Variants in TMEM177 observed in about 807,000 individuals in gnomAD.
TMEM177 encodes the protein transmembrane protein 177.
Under a neutral mutation model 14.2 loss-of-function variants are expected in TMEM177, and 4 were observed. The observed-to-expected ratio is 0.28, with a 90% CI of 0.14 to 0.64. The LOEUF (loss-of-function observed/expected upper bound fraction) is 0.64. Among genes scored for constraint, TMEM177 ranks in the 30% least tolerant of loss-of-function variants. The pLI is 0.82. For synonymous variants in TMEM177, 179 were observed against 174.5 expected, an observed-to-expected ratio of 1.03 and a Z score of -0.20; for missense variants, 344 against 405.2, an observed-to-expected ratio of 0.85 and a Z score of 1.30.
At chr2:119,684,323 C>T (rs1042024306), downstream of TMEM177, among the ~76,000 whole-genome samples, 10 of 152,158 alleles carry the variant, frequency 6.6e-5, no homozygotes, top group African/African-American at 2.4e-4. Context: ...ACTGTTCACT[C>T]ACACGTTGCT....
At chr2:119,689,890 A>G (rs190257127), downstream of TMEM177, among the ~76,000 whole-genome samples, 214 of 152,322 alleles carry the variant, frequency 1.4e-3, no homozygotes, top group African/African-American at 5.1e-3. Context: ...GGTTGGAGTG[A>G]TGAGGACTGG....
the TMEM177 span, among the ~76,000 whole-genome samples, chr2:119,719,811 A>G: frequency 6.6e-6 from 1 of 152,154 alleles, no homozygotes; most frequent in Non-Finnish European, 1.5e-5. Flanking sequence ...TATATATATT[A>G]GAGACAGTAT....
the TMEM177 span, among the ~76,000 whole-genome samples, chr2:119,711,200 G>A: frequency 6.6e-6 from 1 of 152,010 alleles, no homozygotes; most frequent in Non-Finnish European, 1.5e-5. Flanking sequence ...AAAAGAAAGT[G>A]GACTGGACCA....
chr2:119,716,482 C>T, the TMEM177 span, among the ~76,000 whole-genome samples: 5 of 152,126 alleles, frequency 3.3e-5, no homozygotes, highest in Non-Finnish European at 5.9e-5. Flanking sequence ...GCACTTGCCA[C>T]GCCAGGATCC....
chr2:119,681,084 C>T lies in TMEM177; in HGVS notation c.231C>T (p.Gly77=), dbSNP rs1688884421. The change falls in exon 2 of 2, where the codon GGC becomes GGT. Residue 77 remains glycine (G), a synonymous_variant. Coordinates refer to ENST00000272521, the MANE Select transcript of TMEM177 (RefSeq NM_030577.3). ...TACAGGACATAGGTGTTCCTTCAGG[C>T]CATTGCTACAAGCCCTTCACCACCT... ...EVLQDIGVPS[G]HCYKPFTTFT... The T allele has an allele frequency of 6.2e-7, 1 of 1,614,146 alleles. No individual in the cohort carries two copies. Among genetic ancestry groups the T allele is most frequent in the African/African-American group, 1.3e-5 (1 of 74,956 alleles).
In TMEM177 at chr2:119,681,319, A is replaced by G; in HGVS notation, c.466A>G (p.Arg156Gly). Residue 156 changes from arginine (R) to glycine (G), a missense_variant, in exon 2 of 2, where the codon AGG becomes GGG. Transcript: ENST00000272521. The part of the protein sequence containing the change: ...SREAQKFALA[R>G]EVVYLESSTT... Reference sequence around the variant, plus strand: ...TGAAGCCCAGAAGTTCGCCTTGGCCAGGGAAGTGGTGTACCTGGAAAGCAG... The same window carrying G: ...TGAAGCCCAGAAGTTCGCCTTGGCCGGGGAAGTGGTGTACCTGGAAAGCAG... 6.2e-7 allele frequency: 1 copy of G among 1,614,224 alleles called. No homozygotes were observed. The highest frequency in any genetic ancestry group is 8.5e-7 in the Non-Finnish European group (1 of 1,180,034).
chr2:119,714,336 C>T, the TMEM177 span, among the ~76,000 whole-genome samples: 1 of 152,152 alleles, frequency 6.6e-6, no homozygotes, highest in Admixed American at 6.5e-5. Context: ...AAAATGGAAG[C>T]AGCCGGCAAT....
At chr2:119,704,587 A>AG in the TMEM177 span, among the ~76,000 whole-genome samples, 1 of 152,200 alleles carries the variant, frequency 6.6e-6, no homozygotes, top group East Asian at 1.9e-4. Flanking sequence ...CTCAAAAAAA[A>AG]AAGAATGTGC....
chr2:119,688,599 G>A (rs115544919), downstream of TMEM177, among the ~76,000 whole-genome samples: 2,935 of 152,146 alleles, frequency 0.019, 32 homozygotes, highest in African/African-American at 0.022. Context: ...AAATACAGTA[G>A]TATTAATCTC....
At chr2:119,691,904 G>A in the TMEM177 span, among the ~76,000 whole-genome samples, 28 of 152,298 alleles carry the variant, frequency 1.8e-4, no homozygotes, top group African/African-American at 5.3e-4. Flanking sequence ...CCCCAGGTCC[G>A]GAGCCACGTG....
downstream of TMEM177, among the ~76,000 whole-genome samples, chr2:119,684,120 C>T (rs957763855): frequency 4.6e-5 from 7 of 152,246 alleles, no homozygotes; most frequent in African/African-American, 9.6e-5. Context: ...GCGAAAACCG[C>T]ATCTCCTGCC....
chr2:119,704,338 G>A, the TMEM177 span, among the ~76,000 whole-genome samples: 5 of 152,162 alleles, frequency 3.3e-5, no homozygotes, highest in East Asian at 1.9e-4. Context: ...GTTGTCTCAC[G>A]CCTGTAATCC....
chr2:119,711,508 C>T, the TMEM177 span, among the ~76,000 whole-genome samples: 3 of 152,160 alleles, frequency 2.0e-5, no homozygotes, highest in South Asian at 2.1e-4. Context: ...AAGCAGAAAA[C>T]GCTTCAGGGC....
the TMEM177 span, among the ~76,000 whole-genome samples, chr2:119,703,762 G>A: frequency 6.6e-6 from 1 of 152,152 alleles, no homozygotes. Context: ...GAGAGGCTGG[G>A]ATCTGTCTCC....
intron 1 of TMEM177, 140 bp from the exon 2 acceptor site, chr2:119,680,692 G>A: frequency 1.5e-6 from 1 of 656,394 alleles, no homozygotes; most frequent in South Asian, 2.0e-5. Flanking sequence ...TTTGAACACA[G>A]GCACTCTGGC....
the TMEM177 span, among the ~76,000 whole-genome samples, chr2:119,699,432 CTT>C: frequency 1.3e-5 from 2 of 152,180 alleles, no homozygotes; most frequent in Middle Eastern, 3.2e-3. Context: ...AGACAGGGCT[CTT>C]TGTCCCACAG....
the TMEM177 span, among the ~76,000 whole-genome samples, chr2:119,704,962 T>C: frequency 6.6e-6 from 1 of 152,108 alleles, no homozygotes; most frequent in African/African-American, 2.4e-5. Context: ...TTCAACCACA[T>C]CTGGAAGGGA....
At chr2:119,699,355 A>T in the TMEM177 span, among the ~76,000 whole-genome samples, 1 of 152,220 alleles carries the variant, frequency 6.6e-6, no homozygotes, top group Non-Finnish European at 1.5e-5. Context: ...CAAGCACGGC[A>T]CGGGGGAACC....
the TMEM177 span, among the ~76,000 whole-genome samples, chr2:119,694,498 A>T: frequency 2.0e-5 from 3 of 152,244 alleles, no homozygotes; most frequent in African/African-American, 7.2e-5. Flanking sequence ...GGCCCCTCAG[A>T]GACAGCAGGG....
Sources: gnomAD v4.1 joint callset for allele counts (sites outside exome capture counted in the v4.1 genomes callset) on GRCh38, gnomAD v4.1.1 for gene constraint, MANE v1.5 for transcripts, NCBI Gene and HGNC (gene_info 2026-07-23, HGNC 2026-07-21) for gene names.